The following SLC35F1 variants were observed in gnomAD, a reference collection of about 807,000 sequenced individuals.
The protein encoded by SLC35F1 is chromosome 6 open reading frame 169.
Under a neutral mutation model 48.7 loss-of-function variants are expected in SLC35F1, and 14 were observed. The ratio of observed to expected loss-of-function variants is 0.29; its 90% CI spans 0.19 to 0.45. SLC35F1 has a LOEUF of 0.45. SLC35F1 is among the 20% of genes least tolerant of loss of function. The pLI is 1.00. For missense variants in SLC35F1, 404 were observed against 500.0 expected (o/e 0.81, Z 1.83); for synonymous variants, 190 against 202.2 (o/e 0.94, Z 0.51).
intron 2 of SLC35F1, among the ~76,000 whole-genome samples, chr6:118,164,290 C>A (rs1035014059): frequency 2.6e-5 from 4 of 152,108 alleles, no homozygotes; most frequent in African/African-American, 7.2e-5. Flanking sequence ...CTATTTGAAG[C>A]TTCTTCCAAA....
At chr6:118,180,422 A>G (rs1448416436) in intron 2 of SLC35F1, among the ~76,000 whole-genome samples, 1 of 152,178 alleles carries the variant, frequency 6.6e-6, no homozygotes, top group Non-Finnish European at 1.5e-5. Context: ...TTACTAGATA[A>G]AGAATTAAAG....
At chr6:118,133,696 A>T (rs930873493) in intron 1 of SLC35F1, among the ~76,000 whole-genome samples, 5 of 152,202 alleles carry the variant, frequency 3.3e-5, no homozygotes, top group African/African-American at 1.2e-4. Flanking sequence ...GATCCAGAAC[A>T]CCATCTTCTT....
At chr6:118,145,106 G>A (rs190788632) in intron 1 of SLC35F1, among the ~76,000 whole-genome samples, 15 of 152,188 alleles carry the variant, frequency 9.9e-5, no homozygotes, top group African/African-American at 2.9e-4. Context: ...AAAGAAATTC[G>A]TACCCATTCA....
intron 1 of SLC35F1, among the ~76,000 whole-genome samples, chr6:118,114,097 G>C (rs62423668): frequency 0.13 from 19,401 of 152,132 alleles, 1,263 homozygotes; most frequent in South Asian, 0.28. Context: ...ATATATGCCA[G>C]TATTATCCCC....
At chr6:117,934,474 C>T (rs1325276490) in intron 1 of SLC35F1, among the ~76,000 whole-genome samples, 1 of 151,894 alleles carries the variant, frequency 6.6e-6, no homozygotes, top group African/African-American at 2.4e-5. Context: ...CGCAAAATAG[C>T]CTCAATAATT....
At chr6:117,991,126 G>A (rs759234227) in intron 1 of SLC35F1, among the ~76,000 whole-genome samples, 21 of 152,170 alleles carry the variant, frequency 1.4e-4, no homozygotes, top group South Asian at 4.1e-4. Flanking sequence ...ATTCAAGGTC[G>A]TGAAGCAATG....
chr6:118,061,259 A>C (rs1338652598), intron 1 of SLC35F1, among the ~76,000 whole-genome samples: 2 of 152,354 alleles, frequency 1.3e-5, no homozygotes, highest in African/African-American at 4.8e-5. Flanking sequence ...TGGCCTCTGC[A>C]TAGCAATTAG....
At position 118,316,894 on chromosome 6, in the gene SLC35F1, G is replaced by A. The variant is rs1187769638; in HGVS notation, c.*2642G>A. 1 of 152,316 alleles carries A rather than the reference G, an allele frequency of 6.6e-6. No individual in the cohort carries two copies. Among genetic ancestry groups the A allele is most frequent in the Non-Finnish European group, 1.5e-5 (1 of 68,000 alleles). The allele number at this position is 152,316 out of a possible 1,614,324, so 9.4% of individuals were successfully genotyped here. Reference sequence around the variant, plus strand: ...AATATATTGAATTGTTCAAGATCAGGAGTTCCAGACTGACCCTCCAGGAAA... The same window carrying A: ...AATATATTGAATTGTTCAAGATCAGAAGTTCCAGACTGACCCTCCAGGAAA... On this transcript the variant is annotated 3_prime_UTR_variant, in exon 8 of 8. Coordinates refer to ENST00000360388, the MANE Select transcript of SLC35F1 (RefSeq NM_001029858.4).
intron 2 of SLC35F1, among the ~76,000 whole-genome samples, chr6:118,203,529 A>G (rs1430994203): frequency 6.6e-6 from 1 of 152,158 alleles, no homozygotes; most frequent in Non-Finnish European, 1.5e-5. Flanking sequence ...GCTTAATCTA[A>G]CTATCTCCCT....
intron 1 of SLC35F1, among the ~76,000 whole-genome samples, chr6:118,068,275 A>C (rs1360279042): frequency 6.6e-6 from 1 of 152,230 alleles, no homozygotes; most frequent in African/African-American, 2.4e-5. Context: ...GCTATCGAGT[A>C]TCCCTTAATT....
chr6:118,169,382 C>G (rs1774366748), intron 2 of SLC35F1, among the ~76,000 whole-genome samples: 1 of 152,152 alleles, frequency 6.6e-6, no homozygotes, highest in Non-Finnish European at 1.5e-5. Context: ...TGCAGCCTCC[C>G]ATGGCTAACA....
chr6:117,917,018 G>A (rs930374148), intron 1 of SLC35F1, among the ~76,000 whole-genome samples: 1 of 152,218 alleles, frequency 6.6e-6, no homozygotes, highest in Non-Finnish European at 1.5e-5. Context: ...GTATCCAACA[G>A]TGGCAAATAA....
chr6:117,913,479 G>A (rs1428185008), intron 1 of SLC35F1, among the ~76,000 whole-genome samples: 2 of 152,140 alleles, frequency 1.3e-5, no homozygotes, highest in African/African-American at 4.8e-5. Flanking sequence ...TACACATAAT[G>A]CCTAAATAAA....
At chr6:118,063,120 G>T (rs376032768) in intron 1 of SLC35F1, among the ~76,000 whole-genome samples, 1 of 151,936 alleles carries the variant, frequency 6.6e-6, no homozygotes, top group African/African-American at 2.4e-5. Context: ...ATCTACTTTG[G>T]GTGAAAATTT....
intron 7 of SLC35F1, among the ~76,000 whole-genome samples, chr6:118,308,571 GA>G (rs1226964702): frequency 1.3e-5 from 2 of 152,172 alleles, no homozygotes; most frequent in African/African-American, 4.8e-5. Flanking sequence ...TAAATTTGCA[GA>G]TTCCAAGACT....
At chr6:118,225,146 G>T (rs1312514440) in intron 2 of SLC35F1, among the ~76,000 whole-genome samples, 3 of 152,126 alleles carry the variant, frequency 2.0e-5, no homozygotes, top group African/African-American at 7.2e-5. Flanking sequence ...AAGTACCAAT[G>T]ACATTCTTCA....
At chr6:118,160,943 CATTA>C (rs1318460516) in intron 2 of SLC35F1, among the ~76,000 whole-genome samples, 2 of 149,590 alleles carry the variant, frequency 1.3e-5, no homozygotes, top group East Asian at 3.9e-4. Context: ...GCCGAGGAAG[CATTA>C]ATTAAGAGGT....
At position 118,190,557 on chromosome 6, in the gene SLC35F1, T is replaced by A. The variant is rs994426271; in HGVS notation, c.349+35937T>A. On this transcript the variant is annotated intron_variant, in intron 2 of 7. Coordinates refer to ENST00000360388, the MANE Select transcript of SLC35F1 (RefSeq NM_001029858.4). Reference sequence around the variant, plus strand: ...ATTTTGGGTTTCTAGTCTCAGCATATCATTCATAGGTTTGGTATCCTCATG... The same window carrying A: ...ATTTTGGGTTTCTAGTCTCAGCATAACATTCATAGGTTTGGTATCCTCATG... Among the ~76,000 whole-genome samples, 8 of 152,294 alleles carry A rather than the reference T, an allele frequency of 5.3e-5. No individual in the cohort carries two copies. In the East Asian group the frequency reaches 1.5e-3, roughly 29 times the overall value.
At chr6:117,985,069 A>C (rs1352667151) in intron 1 of SLC35F1, among the ~76,000 whole-genome samples, 1 of 152,248 alleles carries the variant, frequency 6.6e-6, no homozygotes, top group African/African-American at 2.4e-5. Context: ...CACTTTGATA[A>C]AACTTCCTTA....
Sources: allele counts gnomAD v4.1 joint callset (sites outside exome capture counted in the v4.1 genomes callset), GRCh38; gene constraint gnomAD v4.1.1; transcripts MANE v1.5; gene names NCBI Gene and HGNC (gene_info 2026-07-23, HGNC 2026-07-21).